Variants in PMFBP1 observed in about 807,000 individuals in gnomAD.
The protein encoded by PMFBP1 is polyamine modulated factor 1 binding protein 1.
A neutral mutation model predicts 137.8 loss-of-function variants in PMFBP1; 131 were observed. That is an observed-to-expected ratio of 0.95 (90% CI 0.82 to 1.10). The LOEUF (loss-of-function observed/expected upper bound fraction) is 1.10, where lower values mean the gene tolerates loss of function less well. Among genes scored for constraint, PMFBP1 ranks in the 50% least tolerant of loss-of-function variants. The pLI is 0.00. For synonymous variants in PMFBP1, 490 were observed against 450.4 expected, an observed-to-expected ratio of 1.09 and a Z score of -1.11; for missense variants, 1,199 against 1,175.4, an observed-to-expected ratio of 1.02 and a Z score of -0.29.
At chr16:72,212,992 C>T in the PMFBP1 span, among the ~76,000 whole-genome samples, 2 of 152,156 alleles carry the variant, frequency 1.3e-5, no homozygotes, top group African/African-American at 2.4e-5. Context: ...ATCAATATAA[C>T]GACATTTCAG....
At chr16:72,211,778 T>C in the PMFBP1 span, among the ~76,000 whole-genome samples, 3 of 152,154 alleles carry the variant, frequency 2.0e-5, no homozygotes, top group Non-Finnish European at 2.9e-5. Flanking sequence ...TTAGACTGCT[T>C]GAGCTCAGGA....
the PMFBP1 span, among the ~76,000 whole-genome samples, chr16:72,248,992 G>C: frequency 6.6e-6 from 1 of 151,910 alleles, no homozygotes; most frequent in Non-Finnish European, 1.5e-5. Flanking sequence ...GTAGTATCTT[G>C]CTAACAGAGC....
chr16:72,161,386 C>T (rs952822588), intron 3 of PMFBP1, among the ~76,000 whole-genome samples: 2 of 152,096 alleles, frequency 1.3e-5, no homozygotes, highest in East Asian at 3.9e-4. Flanking sequence ...GCTTGAGCCA[C>T]CGCGCCCGGC....
intron 3 of PMFBP1, among the ~76,000 whole-genome samples, chr16:72,155,037 G>A (rs922030011): frequency 1.3e-5 from 2 of 152,076 alleles, no homozygotes; most frequent in Admixed American, 6.5e-5. Context: ...GTGTGTGTGT[G>A]TATGTGTGTG....
chr16:72,249,650 C>G, the PMFBP1 span, among the ~76,000 whole-genome samples: 21,544 of 151,570 alleles, frequency 0.14, 1,733 homozygotes, highest in Non-Finnish European at 0.18. Flanking sequence ...GGTGCAGTGT[C>G]TCACGCCTGT....
At chr16:72,180,355 T>C (rs1379225844), upstream of PMFBP1, among the ~76,000 whole-genome samples, 3 of 152,252 alleles carry the variant, frequency 2.0e-5, no homozygotes, top group African/African-American at 7.2e-5. Context: ...CCTCCACTGG[T>C]GTTAAGACCT....
chr16:72,135,308 T>G (rs1254174772), intron 9 of PMFBP1, among the ~76,000 whole-genome samples: 2 of 151,792 alleles, frequency 1.3e-5, no homozygotes, highest in African/African-American at 4.8e-5. Context: ...CCCAAGTAGC[T>G]GGGATTACAG....
chr16:72,234,037 G>A, the PMFBP1 span, among the ~76,000 whole-genome samples: 8 of 152,236 alleles, frequency 5.3e-5, no homozygotes, highest in African/African-American at 1.9e-4. Flanking sequence ...TTTGCTATGA[G>A]GTTTCCTGTG....
intron 9 of PMFBP1, among the ~76,000 whole-genome samples, chr16:72,135,742 T>TG (rs916568608): frequency 4.6e-5 from 4 of 86,996 alleles, no homozygotes; most frequent in African/African-American, 1.9e-4. Flanking sequence ...ATTTTTCTGT[T>TG]TTTTTTTTTT....
At position 72,142,720 on chromosome 16, in the gene PMFBP1, C is replaced by T. The variant is rs1173426562; in HGVS notation, c.637-2138G>A. Among the ~76,000 whole-genome samples the T allele has an allele frequency of 4.6e-5, 7 of 152,120 alleles. No homozygotes were observed. In the East Asian group the frequency reaches 1.3e-3, roughly 29 times the overall value. ...CAGCAAAAGGAAAACTCCAAGAATG[C>T]AGAAGAGGTGAAGGGACTGCCGAGC... On this transcript the variant is annotated intron_variant, in intron 5 of 20. Transcript: ENST00000237353.
the PMFBP1 span, among the ~76,000 whole-genome samples, chr16:72,236,417 G>A: frequency 2.6e-5 from 4 of 152,122 alleles, no homozygotes; most frequent in Non-Finnish European, 1.5e-5. Flanking sequence ...GAGCTCAAAG[G>A]AACTTGCTAG....
the PMFBP1 span, among the ~76,000 whole-genome samples, chr16:72,226,708 A>G: frequency 1.3e-5 from 2 of 151,500 alleles, no homozygotes. Flanking sequence ...TGAAATGATA[A>G]AACAAACAAA....
At chr16:72,138,320 C>G (rs1567627896) in intron 7 of PMFBP1, among the ~76,000 whole-genome samples, 2 of 152,198 alleles carry the variant, frequency 1.3e-5, no homozygotes. Flanking sequence ...GTGTTGTTTA[C>G]TCCCTCTGCC....
At chr16:72,124,103 C>G (rs4788607) in intron 17 of PMFBP1, among the ~76,000 whole-genome samples, 16,913 of 152,078 alleles carry the variant, frequency 0.11, 1,116 homozygotes, top group Middle Eastern at 0.16. Flanking sequence ...TAACCTCCCC[C>G]CCGGCTCAAG....
the PMFBP1 span, among the ~76,000 whole-genome samples, chr16:72,221,716 T>C: frequency 7.2e-5 from 11 of 152,196 alleles, no homozygotes; most frequent in South Asian, 2.3e-3. Flanking sequence ...ATTTGCATTA[T>C]AAATATAAAC....
the PMFBP1 span, among the ~76,000 whole-genome samples, chr16:72,230,113 C>T: frequency 7.8e-4 from 119 of 152,280 alleles, no homozygotes; most frequent in Admixed American, 2.4e-3. Flanking sequence ...GGCCAACACA[C>T]GTAGAATCCT....
the PMFBP1 span, among the ~76,000 whole-genome samples, chr16:72,216,150 T>C: frequency 6.6e-6 from 1 of 152,088 alleles, no homozygotes; most frequent in Admixed American, 6.5e-5. Context: ...GTTGGTCAGC[T>C]GAGTGTTGAG....
chr16:72,187,791 G>C, the PMFBP1 span, among the ~76,000 whole-genome samples: 1 of 152,210 alleles, frequency 6.6e-6, no homozygotes, highest in Non-Finnish European at 1.5e-5. Context: ...TAATGCTACC[G>C]GGTTAGCATG....
the PMFBP1 span, among the ~76,000 whole-genome samples, chr16:72,203,960 G>T: frequency 6.6e-6 from 1 of 152,168 alleles, no homozygotes; most frequent in Non-Finnish European, 1.5e-5. Context: ...TGTTCCCAGG[G>T]AGGAGAGCCA....
Sources: allele counts gnomAD v4.1 joint callset (sites outside exome capture counted in the v4.1 genomes callset), GRCh38; gene constraint gnomAD v4.1.1; transcripts MANE v1.5; gene names NCBI Gene and HGNC (gene_info 2026-07-23, HGNC 2026-07-21).